The following RARB variants were observed in gnomAD, a reference collection of about 807,000 sequenced individuals.
RARB encodes the protein HBV-activated protein.
RARB carries 17 observed loss-of-function variants against 51.9 expected under a neutral mutation model. The ratio of observed to expected loss-of-function variants is 0.33; its 90% CI spans 0.22 to 0.49. RARB has a LOEUF of 0.49. RARB is among the 20% of genes least tolerant of loss of function. The pLI is 0.99. For missense variants in RARB, 369 were observed against 550.8 expected (o/e 0.67, Z 3.30); for synonymous variants, 215 against 195.4 (o/e 1.10, Z -0.84).
chr3:24,876,483 C>G (rs1257542892), intron 2 of RARB, among the ~76,000 whole-genome samples: 2 of 152,010 alleles, frequency 1.3e-5, no homozygotes, highest in Admixed American at 6.6e-5. Flanking sequence ...GAAAAAGAAT[C>G]AGGTAGCTCA....
chr3:25,570,944 GA>G (rs111980473), intron 4 of RARB, among the ~76,000 whole-genome samples: 52,935 of 146,098 alleles, frequency 0.36, 9,670 homozygotes, highest in African/African-American at 0.48. Context: ...ATACCAGAAA[GA>G]AAAAAAAAAA....
intron 5 of RARB, among the ~76,000 whole-genome samples, chr3:25,344,763 G>T (rs188744295): frequency 1.3e-5 from 2 of 152,294 alleles, no homozygotes; most frequent in Admixed American, 1.3e-4. Context: ...TTTGAAGCTA[G>T]TGTAACTCCT....
intron 1 of RARB, among the ~76,000 whole-genome samples, chr3:24,833,893 T>G (rs767488529): frequency 3.9e-5 from 6 of 152,220 alleles, no homozygotes; most frequent in Non-Finnish European, 7.3e-5. Context: ...TGCTCATATC[T>G]CACCTTTGTT....
chr3:25,013,349 T>G (rs1697437809), intron 2 of RARB, among the ~76,000 whole-genome samples: 1 of 152,120 alleles, frequency 6.6e-6, no homozygotes. Flanking sequence ...GGCCCTATAT[T>G]CCATGTTCTC....
intron 5 of RARB, among the ~76,000 whole-genome samples, chr3:25,200,609 A>G (rs1468807185): frequency 6.6e-6 from 1 of 152,062 alleles, no homozygotes; most frequent in Non-Finnish European, 1.5e-5. Context: ...ATCTTGAATT[A>G]ATTTTTGTAC....
chr3:25,154,245 C>T (rs1281791862), intron 4 of RARB, among the ~76,000 whole-genome samples: 1 of 152,200 alleles, frequency 6.6e-6, no homozygotes, highest in Non-Finnish European at 1.5e-5. Context: ...TCAATTAACT[C>T]ATCCAAAACT....
At chr3:25,233,558 G>A (rs1702233278) in intron 5 of RARB, among the ~76,000 whole-genome samples, 1 of 151,934 alleles carries the variant, frequency 6.6e-6, no homozygotes, top group Admixed American at 6.6e-5. Flanking sequence ...TTATTGCATG[G>A]CTAAAAATTT....
At chr3:25,192,530 A>G (rs1005527143) in intron 5 of RARB, among the ~76,000 whole-genome samples, 1 of 152,118 alleles carries the variant, frequency 6.6e-6, no homozygotes, top group African/African-American at 2.4e-5. Context: ...TTAATTTAAC[A>G]TTTAGTACTG....
chr3:25,383,056 C>G (rs1706677405), intron 5 of RARB, among the ~76,000 whole-genome samples: 1 of 152,106 alleles, frequency 6.6e-6, no homozygotes, highest in African/African-American at 2.4e-5. Context: ...CAATAATGTC[C>G]CAAAGGTATG....
At chr3:24,951,622 C>T (rs1575087756) in intron 2 of RARB, among the ~76,000 whole-genome samples, 2 of 152,294 alleles carry the variant, frequency 1.3e-5, no homozygotes, top group East Asian at 3.9e-4. Context: ...GCTCTGGGGC[C>T]TGTCTCTGGT....
At chr3:25,287,247 C>CT (rs1703678709) in intron 5 of RARB, among the ~76,000 whole-genome samples, 1 of 152,198 alleles carries the variant, frequency 6.6e-6, no homozygotes, top group Non-Finnish European at 1.5e-5. Context: ...CACTACTGCA[C>CT]TTATCCTTCT....
intron 3 of RARB, among the ~76,000 whole-genome samples, chr3:25,541,348 C>G (rs906755372): frequency 6.6e-6 from 1 of 152,074 alleles, no homozygotes; most frequent in Non-Finnish European, 1.5e-5. Flanking sequence ...TTCTCTCCTT[C>G]TCTCTCTCAG....
At chr3:25,457,642 C>G (rs989876379) in intron 1 of RARB, among the ~76,000 whole-genome samples, 2 of 152,166 alleles carry the variant, frequency 1.3e-5, no homozygotes, top group Admixed American at 1.3e-4. Context: ...CCCCAAGTTT[C>G]TTGGGTATTA....
At chr3:24,912,972 A>ATTTTTTTTTTTTTTTT (rs71622787) in intron 2 of RARB, among the ~76,000 whole-genome samples, 9 of 57,646 alleles carry the variant, frequency 1.6e-4, no homozygotes, top group Admixed American at 1.0e-3. Context: ...CAAGGTACTG[A>ATTTTTTTTTTTTTTTT]TTCTTTTTTT....
At chr3:25,153,894 C>A (rs1443400422) in intron 4 of RARB, among the ~76,000 whole-genome samples, 1 of 152,084 alleles carries the variant, frequency 6.6e-6, no homozygotes, top group African/African-American at 2.4e-5. Context: ...CAATGAGGGC[C>A]AATTAAAGAG....
chr3:25,578,050 T>TCA (rs1701013536), intron 4 of RARB, among the ~76,000 whole-genome samples: 1 of 152,140 alleles, frequency 6.6e-6, no homozygotes. Flanking sequence ...ACAGCAAGGG[T>TCA]CACTCCTCAC....
At chr3:24,913,861 C>G (rs546760509) in intron 2 of RARB, among the ~76,000 whole-genome samples, 5 of 152,252 alleles carry the variant, frequency 3.3e-5, no homozygotes, top group Non-Finnish European at 7.4e-5. Context: ...AAATAGTACT[C>G]CAGCACTTAG....
At chr3:25,325,392 C>T (rs1463544729) in intron 5 of RARB, among the ~76,000 whole-genome samples, 1 of 152,058 alleles carries the variant, frequency 6.6e-6, no homozygotes, top group Non-Finnish European at 1.5e-5. Context: ...GTGTCCTGTA[C>T]CTTCTGCTGA....
intron 2 of RARB, among the ~76,000 whole-genome samples, chr3:24,996,856 G>A (rs1021109039): frequency 6.6e-6 from 1 of 151,948 alleles, no homozygotes; most frequent in African/African-American, 2.4e-5. Flanking sequence ...AAAATTTAGA[G>A]ACTTGTTTTG....
Sources: gnomAD v4.1 joint callset for allele counts (sites outside exome capture counted in the v4.1 genomes callset) on GRCh38, gnomAD v4.1.1 for gene constraint, MANE v1.5 for transcripts, NCBI Gene and HGNC (gene_info 2026-07-23, HGNC 2026-07-21) for gene names.